The following FBLN7 variants were observed in gnomAD, a reference collection of about 807,000 sequenced individuals.
FBLN7 encodes the protein fibulin-7.
A neutral mutation model predicts 44.0 loss-of-function variants in FBLN7; 31 were observed. That is an observed-to-expected ratio of 0.70 (90% CI 0.53 to 0.95). The LOEUF (loss-of-function observed/expected upper bound fraction) is 0.95, where lower values mean the gene tolerates loss of function less well. Among genes scored for constraint, FBLN7 ranks in the 40% least tolerant of loss-of-function variants. The pLI, the probability that FBLN7 is intolerant of heterozygous loss-of-function variation, is 0.00. For synonymous variants in FBLN7, 262 were observed against 253.4 expected (o/e 1.03, Z -0.32); for missense variants, 573 against 618.5 (o/e 0.93, Z 0.78).
the FBLN7 span, among the ~76,000 whole-genome samples, chr2:112,241,950 T>C: frequency 7.6e-3 from 1,154 of 152,310 alleles, 6 homozygotes; most frequent in Non-Finnish European, 0.011. Context: ...AGGGGGTGCA[T>C]GGCACAAAGT....
chr2:112,190,065 G>T (rs1243588346), downstream of FBLN7: 4 of 152,120 alleles, frequency 2.6e-5, no homozygotes, highest in Admixed American at 2.6e-4. Context: ...AGGTTTGTTG[G>T]AAGACAAAAT....
chr2:112,192,026 C>G (rs2104620132), downstream of FBLN7, among the ~76,000 whole-genome samples: 1 of 152,244 alleles, frequency 6.6e-6, no homozygotes, highest in South Asian at 2.1e-4. Flanking sequence ...CTATTTCACA[C>G]TTTCCTGGAC....
chr2:112,186,531 C>T (rs1258714354), intron 7 of FBLN7, among the ~76,000 whole-genome samples: 1 of 152,000 alleles, frequency 6.6e-6, no homozygotes, highest in Non-Finnish European at 1.5e-5. Context: ...TCCCAGCTAC[C>T]CAGGAGGCTG....
chr2:112,215,717 T>C, the FBLN7 span: 3 of 152,206 alleles, frequency 2.0e-5, no homozygotes, highest in African/African-American at 4.8e-5. Flanking sequence ...CTTGGAACAT[T>C]AGTATTTGAA....
chr2:112,172,627 C>CTTTTTTTTTTTTTTTTT (rs35062438), intron 3 of FBLN7, among the ~76,000 whole-genome samples: 23 of 88,128 alleles, frequency 2.6e-4, no homozygotes, highest in East Asian at 7.5e-4. Flanking sequence ...CTTTTTCTTT[C>CTTTTTTTTTTTTTTTTT]TTTTTTTTTT....
the FBLN7 span, among the ~76,000 whole-genome samples, chr2:112,217,472 T>C: frequency 6.6e-6 from 1 of 152,254 alleles, no homozygotes; most frequent in African/African-American, 2.4e-5. Flanking sequence ...ATGAACTTTT[T>C]ATACTGTTAC....
At chr2:112,186,484 A>G (rs1421915203) in intron 7 of FBLN7, among the ~76,000 whole-genome samples, 1 of 152,142 alleles carries the variant, frequency 6.6e-6, no homozygotes, top group Non-Finnish European at 1.5e-5. Context: ...TACTAAAAAT[A>G]CAAAAATTAG....
At chr2:112,206,529 C>T in the FBLN7 span, among the ~76,000 whole-genome samples, 1 of 152,160 alleles carries the variant, frequency 6.6e-6, no homozygotes, top group Non-Finnish European at 1.5e-5. Flanking sequence ...TCAAGCAATT[C>T]TTGTGCCTCA....
At chr2:112,161,606 G>A (rs572821898) in intron 2 of FBLN7, among the ~76,000 whole-genome samples, 4 of 152,308 alleles carry the variant, frequency 2.6e-5, no homozygotes, top group East Asian at 1.9e-4. Context: ...AGCTGCCTGC[G>A]GTCCCTGGGA....
the FBLN7 span, among the ~76,000 whole-genome samples, chr2:112,244,119 A>G: frequency 6.6e-6 from 1 of 152,024 alleles, no homozygotes; most frequent in Non-Finnish European, 1.5e-5. Flanking sequence ...AAAGATTCAC[A>G]ATCGCATAGA....
intron 1 of FBLN7, among the ~76,000 whole-genome samples, chr2:112,158,480 G>A (rs1681551788): frequency 6.6e-6 from 1 of 151,878 alleles, no homozygotes; most frequent in South Asian, 2.1e-4. Context: ...CTGTTGCCCA[G>A]CCTGGAGTGC....
At chr2:112,206,002 T>C in the FBLN7 span, among the ~76,000 whole-genome samples, 1 of 152,154 alleles carries the variant, frequency 6.6e-6, no homozygotes, top group Non-Finnish European at 1.5e-5. Flanking sequence ...TATCTGAACC[T>C]GGAGATTTCT....
At chr2:112,236,885 G>C in the FBLN7 span, among the ~76,000 whole-genome samples, 1 of 152,058 alleles carries the variant, frequency 6.6e-6, no homozygotes, top group African/African-American at 2.4e-5. Flanking sequence ...AGGCAGCCTA[G>C]AGATCTTGTC....
At chr2:112,240,832 T>A in the FBLN7 span, among the ~76,000 whole-genome samples, 2 of 152,186 alleles carry the variant, frequency 1.3e-5, no homozygotes, top group Non-Finnish European at 2.9e-5. Flanking sequence ...TTAAAAAGCA[T>A]ACGAACATGA....
At chr2:112,226,327 G>C in the FBLN7 span, among the ~76,000 whole-genome samples, 4 of 151,806 alleles carry the variant, frequency 2.6e-5, no homozygotes, top group African/African-American at 9.7e-5. Flanking sequence ...GGTAGCTCAC[G>C]CCTGTAATCC....
Position 112,151,243 on chromosome 2 carries a change from C to T in FBLN7, c.76-8433C>T, listed in dbSNP as rs536187615. On this transcript the variant is annotated intron_variant, in intron 1 of 7. Coordinates refer to ENST00000331203, the MANE Select transcript of FBLN7 (RefSeq NM_153214.3). ...TGTGCCTGAGTACATTGTCAGGGTC[C>T]GGGGTCTTGGAGTCTTTATTCTTGG... 110 of 152,236 alleles carry T rather than the reference C, an allele frequency of 7.2e-4. 1 individual carries two copies. The highest frequency in any genetic ancestry group is 2.6e-3 in the African/African-American group (108 of 41,538). 9.4% of individuals were successfully genotyped at this position (152,236 alleles called of 1,614,324 possible). A position where few individuals can be genotyped will look rare whatever the true frequency, so the allele number is the denominator to read the frequency against.
chr2:112,234,170 G>A, the FBLN7 span: 39 of 1,606,270 alleles, frequency 2.4e-5, no homozygotes, highest in Non-Finnish European at 3.1e-5. Flanking sequence ...TTTCCCTTGC[G>A]TTCCACTGTA....
At chr2:112,219,873 C>T in the FBLN7 span, among the ~76,000 whole-genome samples, 3 of 152,264 alleles carry the variant, frequency 2.0e-5, no homozygotes, top group South Asian at 6.2e-4. Context: ...TGTTTAATGT[C>T]TCCCACTATT....
the FBLN7 span, among the ~76,000 whole-genome samples, chr2:112,235,455 G>A: frequency 3.3e-5 from 5 of 152,204 alleles, no homozygotes; most frequent in African/African-American, 9.6e-5. Flanking sequence ...GCTTGGCCCT[G>A]TGTGACTATG....
Sources: gnomAD v4.1 joint callset for allele counts (sites outside exome capture counted in the v4.1 genomes callset) on GRCh38, gnomAD v4.1.1 for gene constraint, MANE v1.5 for transcripts, NCBI Gene and HGNC (gene_info 2026-07-23, HGNC 2026-07-21) for gene names.